The following MELK variants were observed in gnomAD, a reference collection of about 807,000 sequenced individuals.
MELK encodes pEg3 kinase.
MELK carries 81 observed loss-of-function variants against 85.0 expected under a neutral mutation model. The observed-to-expected ratio is 0.95, with a 90% confidence interval of 0.80 to 1.15. The LOEUF (loss-of-function observed/expected upper bound fraction) is 1.15. Ranked by LOEUF, MELK falls within the 50% of genes most tolerant of loss-of-function variation. The pLI, the probability that MELK is intolerant of heterozygous loss-of-function variation, is 0.00. For missense variants in MELK, 754 were observed against 777.5 expected (o/e 0.97, Z 0.36); for synonymous variants, 252 against 265.0 (o/e 0.95, Z 0.48).
chr9:36,599,324 A>AT, intron 6 of MELK, 70 bp from the exon 7 acceptor site: 1 of 834,546 alleles, frequency 1.2e-6, no homozygotes, highest in Non-Finnish European at 1.7e-6. Context: ...AAAAAAAAAA[A>AT]GAATGTTTAT....
chr9:36,652,016 A>T, intron 12 of MELK, 139 bp downstream of exon 12: 3 of 588,048 alleles, frequency 5.1e-6, no homozygotes, highest in Non-Finnish European at 5.1e-6. Context: ...GATGAGAAAA[A>T]TGGGAAGTTC....
In MELK at chr9:36,671,004, C is replaced by T. The variant is rs1157684753; in HGVS notation, c.1512C>T (p.Arg504=). The part of the protein sequence containing the change: ...TGVISPERRC[R]SVELDLNQAH... ...GTTTTATGTTTTGTTTCAGGTGCCG[C>T]TCAGTGGAATTGGATCTCAACCAAG... The change falls in exon 16 of 18, where the codon CGC becomes CGT. Residue 504 remains arginine, a synonymous_variant. Coordinates refer to ENST00000298048, the MANE Select transcript of MELK (RefSeq NM_014791.4). The T allele has an allele frequency of 2.5e-6, 4 of 1,608,178 alleles. No individual in the cohort carries two copies. Among genetic ancestry groups the T allele is most frequent in the Admixed American group, 1.7e-5 (1 of 58,940 alleles).
intron 16 of MELK, among the ~76,000 whole-genome samples, chr9:36,673,858 TTTGTTG>T (rs1414829478): frequency 6.6e-6 from 1 of 152,212 alleles, no homozygotes; most frequent in Non-Finnish European, 1.5e-5. Flanking sequence ...TTAGGGTTTT[TTTGTTG>T]TTGTTGTTAA....
At chr9:36,665,678 G>T in intron 14 of MELK, 97 bp downstream of exon 14, 1 of 841,918 alleles carries the variant, frequency 1.2e-6, no homozygotes, top group Non-Finnish European at 1.8e-6. Flanking sequence ...TTGCTTTCAG[G>T]AATTTCTAGG....
chr9:36,580,341 C>T lies in MELK; in HGVS notation c.-38-1303C>T, dbSNP rs545003757. Among the ~76,000 whole-genome samples the T allele has an allele frequency of 1.4e-4, 21 of 147,670 alleles. 1 individual carries two copies. In the East Asian group the frequency reaches 3.5e-3, roughly 24 times the overall value. On this transcript the variant is annotated intron_variant, in intron 1 of 17. Transcript: ENST00000298048. ...CCGCACCCGGCCTTTTTTTTTGAGA[C>T]GGAGTTTCACTCTTGTTGCCCGGGC...
chr9:36,616,828 T>G (rs1400652578), intron 8 of MELK, among the ~76,000 whole-genome samples: 3 of 149,294 alleles, frequency 2.0e-5, no homozygotes, highest in Non-Finnish European at 4.4e-5. Context: ...TCCCAGTTTT[T>G]TTTTTTTTTT....
chr9:36,666,859 GTGTGTGTGT>G, intron 14 of MELK, among the ~76,000 whole-genome samples: 1 of 4,512 alleles, frequency 2.2e-4, no homozygotes, highest in African/African-American at 3.9e-4. Flanking sequence ...GTGTTTGTGT[GTGTGTGTGT>G]GTGTGTGTGT....
intron 11 of MELK, among the ~76,000 whole-genome samples, chr9:36,644,209 T>TTGTGTGTGTG (rs55796800): frequency 0.011 from 1,569 of 145,388 alleles, 28 homozygotes; most frequent in African/African-American, 0.038. Context: ...TACCTGTGTT[T>TTGTGTGTGTG]TGTGTGTGTG....
At position 36,596,580 on chromosome 9, in the gene MELK, TGTTTTTTTTG is replaced by T. The variant is rs1564138824; in HGVS notation, c.406-641_406-632del. On this transcript the variant is annotated intron_variant, in intron 5 of 17. Coordinates refer to ENST00000298048, the MANE Select transcript of MELK (RefSeq NM_014791.4). ...CCCTTTTTGTTTTTTTTGTTTTTTT[TGTTTTTTTTG>T]TTTTTTTTTTTTTGAGATGGAGTTT... 8.1e-3 allele frequency among the ~76,000 whole-genome samples: 834 copies of T among 103,314 alleles called. 124 individuals carry two copies. The highest frequency in any genetic ancestry group is 0.051 in the African/African-American group (784 of 15,430). The allele number at this position is 103,314 out of a possible 152,430, so 67.8% of individuals were successfully genotyped here. A position where few individuals can be genotyped will look rare whatever the true frequency, so the allele number is the denominator to read the frequency against.
At chr9:36,595,927 T>G (rs144449474) in intron 5 of MELK, among the ~76,000 whole-genome samples, 12 of 152,262 alleles carry the variant, frequency 7.9e-5, no homozygotes, top group African/African-American at 2.6e-4. Context: ...GTGATCCTCT[T>G]GCCTTAGCCT....
intron 4 of MELK, among the ~76,000 whole-genome samples, chr9:36,592,215 TGAGTGCTG>T (rs1823692439): frequency 6.7e-6 from 1 of 149,790 alleles, no homozygotes; most frequent in Non-Finnish European, 1.5e-5. Context: ...CACACTGTCT[TGAGTGCTG>T]GAGTGCAATG....
chr9:36,595,828 A>C (rs1411261103), intron 5 of MELK, among the ~76,000 whole-genome samples: 3 of 151,326 alleles, frequency 2.0e-5, no homozygotes, highest in African/African-American at 7.3e-5. Context: ...TTTTATTTTT[A>C]TTTTTGAGAC....
rs191741928 is a variant in MELK at position 36,646,359 on chromosome 9, T to C, written c.921+3276T>C. 3.9e-5 allele frequency among the ~76,000 whole-genome samples: 6 copies of C among 152,330 alleles called. No homozygotes were observed. In the East Asian group the frequency reaches 1.2e-3, roughly 29 times the overall value. On this transcript the variant is annotated intron_variant, in intron 11 of 17. Coordinates refer to ENST00000298048, the MANE Select transcript of MELK (RefSeq NM_014791.4). ...ACAGGACAGAGAGAGATTAGTTCTG[T>C]GTGATCCATATGCTGGTATGGTGCT...
At chr9:36,655,275 A>G (rs961993994) in intron 12 of MELK, among the ~76,000 whole-genome samples, 4 of 152,212 alleles carry the variant, frequency 2.6e-5, no homozygotes, top group Admixed American at 1.3e-4. Flanking sequence ...GAGGACAGGA[A>G]TGATCACCAT....
chr9:36,586,895 T>C (rs1822971426), intron 3 of MELK, among the ~76,000 whole-genome samples: 2 of 152,172 alleles, frequency 1.3e-5, no homozygotes, highest in Non-Finnish European at 2.9e-5. Flanking sequence ...GGAGTCTTGC[T>C]CTGTCACCCA....
Position 36,607,690 on chromosome 9 carries a change from A to G in MELK, c.666+17A>G, listed in dbSNP as rs1157543266. On this transcript the variant is annotated intron_variant, in intron 8 of 17. Coordinates refer to ENST00000298048, the MANE Select transcript of MELK (RefSeq NM_014791.4). ...AAGATTATGGTGAGTATTACAAGGCATAGAATTTCAATGTAGAACTTTTCT... is the reference window on the plus strand; with the variant it reads ...AAGATTATGGTGAGTATTACAAGGCGTAGAATTTCAATGTAGAACTTTTCT... 2 of 1,525,096 alleles carry G rather than the reference A, an allele frequency of 1.3e-6. No individual in the cohort carries two copies. The highest frequency in any genetic ancestry group is 3.4e-5 in the Admixed American group (2 of 59,250). 94.5% of individuals were successfully genotyped at this position (1,525,096 alleles called of 1,614,324 possible).
At chr9:36,595,923 C>T (rs1824172213) in intron 5 of MELK, among the ~76,000 whole-genome samples, 1 of 152,024 alleles carries the variant, frequency 6.6e-6, no homozygotes, top group African/African-American at 2.4e-5. Context: ...TAAGGTGATC[C>T]TCTTGCCTTA....
chr9:36,643,013 A>G lies in MELK; in HGVS notation c.851A>G (p.Asp284Gly), dbSNP rs1405264657. The change falls in exon 11 of 18, where the codon GAT (aspartate) becomes GGT (glycine). Residue 284 changes from aspartate (D) to glycine (G), a missense_variant. Transcript: ENST00000298048. ...TTTTTGTAGTTTATTCACCTCGATG[A>G]TGATTGCGTAACAGAACTTTCTGTA... ...QSKNPFIHLD[D>G]DCVTELSVHH... 6.2e-7 allele frequency: 1 copy of G among 1,609,486 alleles called. No homozygotes were observed.
chr9:36,602,045 T>C (rs1052058332), intron 7 of MELK, among the ~76,000 whole-genome samples: 1 of 152,232 alleles, frequency 6.6e-6, no homozygotes, highest in African/African-American at 2.4e-5. Context: ...TGTACAAGTA[T>C]CTCTTTCAGA....
Sources: allele counts gnomAD v4.1 joint callset (sites outside exome capture counted in the v4.1 genomes callset), GRCh38; gene constraint gnomAD v4.1.1; transcripts MANE v1.5; gene names NCBI Gene and HGNC (gene_info 2026-07-23, HGNC 2026-07-21).